PARD3B: variants seen among roughly 807,000 people sequenced by gnomAD.
The protein encoded by PARD3B is par-3 family cell polarity regulator beta.
PARD3B carries 103 observed loss-of-function variants against 130.2 expected under a neutral mutation model. The ratio of observed to expected loss-of-function variants is 0.79; its 90% CI spans 0.67 to 0.93. The LOEUF is 0.93. Among genes scored for constraint, PARD3B ranks in the 40% least tolerant of loss-of-function variants. The pLI is 0.00. For missense variants in PARD3B, 1,609 were observed against 1,499.2 expected, an observed-to-expected ratio of 1.07 and a Z score of -1.21; for synonymous variants, 583 against 553.2, an observed-to-expected ratio of 1.05 and a Z score of -0.76.
In PARD3B at chr2:204,610,148, C is replaced by G. The variant is rs1259896443; in HGVS notation, c.120+64029C>G. ...GTTTAAGGAGGTTTGTCCCACCTCC[C>G]TTCCCATCGTGGCTGGAAATTCAGT... On this transcript the variant is annotated intron_variant, in intron 1 of 22. Transcript: ENST00000406610. The surrounding 1 kb of genome is among the most constrained non-coding windows in gnomAD (Gnocchi z 4.1). 6.6e-6 allele frequency among the ~76,000 whole-genome samples: 1 copy of G among 152,084 alleles called. No homozygotes were observed. Among genetic ancestry groups the G allele is most frequent in the East Asian group, 1.9e-4 (1 of 5,176 alleles).
intron 13 of PARD3B, among the ~76,000 whole-genome samples, chr2:205,179,914 T>G (rs2035694392): frequency 6.6e-6 from 1 of 152,104 alleles, no homozygotes; most frequent in African/African-American, 2.4e-5. Flanking sequence ...ATCATTTGGT[T>G]TGGAATTTCA....
intron 22 of PARD3B, among the ~76,000 whole-genome samples, chr2:205,603,829 G>A (rs1188252065): frequency 3.3e-5 from 5 of 152,080 alleles, no homozygotes; most frequent in Admixed American, 2.6e-4. Flanking sequence ...TTTAATTGGG[G>A]CATTTAGCCC....
intron 15 of PARD3B, among the ~76,000 whole-genome samples, chr2:205,240,602 G>A (rs1437924218): frequency 1.3e-5 from 2 of 152,134 alleles, no homozygotes; most frequent in Non-Finnish European, 2.9e-5. Flanking sequence ...AAGAATAACT[G>A]TAGCTGATGG....
At chr2:204,941,298 C>T (rs1007571285) in intron 2 of PARD3B, among the ~76,000 whole-genome samples, 16 of 152,220 alleles carry the variant, frequency 1.1e-4, no homozygotes, top group Non-Finnish European at 1.3e-4. Context: ...CGCTGGAGCC[C>T]GGAAGGCGGA....
intron 1 of PARD3B, among the ~76,000 whole-genome samples, chr2:204,567,358 A>G (rs1010053122): frequency 6.6e-6 from 1 of 152,064 alleles, no homozygotes; most frequent in African/African-American, 2.4e-5. Context: ...ATACCCATTA[A>G]ATAATAACTC....
Position 204,601,076 on chromosome 2 carries a change from A to G in PARD3B, c.120+54957A>G, listed in dbSNP as rs2033491812. On this transcript the variant is annotated intron_variant, in intron 1 of 22. Coordinates refer to ENST00000406610, the MANE Select transcript of PARD3B (RefSeq NM_001302769.2). Reference sequence around the variant, plus strand: ...ATACGGACCTTAAGACCTGTATTTTAAAATAATGGAAGTAAAATATCTGAT... The same window carrying G: ...ATACGGACCTTAAGACCTGTATTTTGAAATAATGGAAGTAAAATATCTGAT... 4.6e-5 allele frequency among the ~76,000 whole-genome samples: 7 copies of G among 152,078 alleles called. No homozygotes were observed. In the South Asian group the frequency reaches 1.4e-3, roughly 31 times the overall value.
chr2:204,755,064 C>A (rs112770586), intron 2 of PARD3B, among the ~76,000 whole-genome samples: 3 of 151,888 alleles, frequency 2.0e-5, no homozygotes, highest in Non-Finnish European at 4.4e-5. Flanking sequence ...TTGCCTTGCA[C>A]GCAAAAAATG....
At chr2:205,206,228 T>A (rs960965003) in intron 15 of PARD3B, among the ~76,000 whole-genome samples, 3 of 150,226 alleles carry the variant, frequency 2.0e-5, no homozygotes, top group Non-Finnish European at 4.4e-5. Flanking sequence ...TTTTTTTTTT[T>A]ATTATACTTT....
At chr2:205,445,131 T>A (rs1326845903) in intron 20 of PARD3B, among the ~76,000 whole-genome samples, 1 of 152,148 alleles carries the variant, frequency 6.6e-6, no homozygotes, top group Non-Finnish European at 1.5e-5. Flanking sequence ...GACCTTCTCA[T>A]ATGATTACTG....
At chr2:204,872,378 G>A (rs1457251840) in intron 2 of PARD3B, among the ~76,000 whole-genome samples, 3 of 151,992 alleles carry the variant, frequency 2.0e-5, no homozygotes, top group African/African-American at 7.2e-5. Flanking sequence ...AAAAGGTTTT[G>A]GATAAAATGT....
chr2:205,155,490 T>G (rs1433533167), intron 10 of PARD3B, among the ~76,000 whole-genome samples: 1 of 152,182 alleles, frequency 6.6e-6, no homozygotes, highest in Non-Finnish European at 1.5e-5. Flanking sequence ...TTGAATTTGT[T>G]TAGAATAAAC....
chr2:205,125,688 C>T lies in PARD3B; in HGVS notation c.1385C>T (p.Ala462Val). ...MLRSTKQGET[A>V]SLVIARQEGH... ...AGGAGCACCAAGCAGGGGGAGACAG[C>T]ATCGCTGGTCATTGCCCGCCAAGAA... The change falls in exon 10 of 23, where the codon GCA (alanine) becomes GTA (valine). Residue 462 changes from alanine to valine, a missense_variant. Transcript: ENST00000406610. The surrounding 1 kb of genome is among the most constrained non-coding windows in gnomAD (Gnocchi z 4.0). The T allele has an allele frequency of 6.2e-7, 1 of 1,614,138 alleles. No individual in the cohort carries two copies. Among genetic ancestry groups the T allele is most frequent in the Non-Finnish European group, 8.5e-7 (1 of 1,180,022 alleles).
At chr2:205,538,782 G>GT (rs1285853375) in intron 21 of PARD3B, among the ~76,000 whole-genome samples, 1 of 152,028 alleles carries the variant, frequency 6.6e-6, no homozygotes, top group African/African-American at 2.4e-5. Context: ...AAGTGTTTTT[G>GT]TTTTTTTATT....
intron 2 of PARD3B, among the ~76,000 whole-genome samples, chr2:204,873,882 C>T (rs1219600765): frequency 6.6e-6 from 1 of 152,172 alleles, no homozygotes; most frequent in Non-Finnish European, 1.5e-5. Flanking sequence ...GTGGCTCACA[C>T]CTGTAATCCC....
chr2:205,231,223 C>T (rs940906376), intron 15 of PARD3B, among the ~76,000 whole-genome samples: 3 of 151,998 alleles, frequency 2.0e-5, no homozygotes, highest in East Asian at 3.9e-4. Flanking sequence ...CTCTCTTACT[C>T]CTCATTACGT....
Position 205,179,249 on chromosome 2 carries a change from A to G in PARD3B, c.1924+2672A>G, listed in dbSNP as rs116830132. On this transcript the variant is annotated intron_variant, in intron 13 of 22. Coordinates refer to ENST00000406610, the MANE Select transcript of PARD3B (RefSeq NM_001302769.2). ...TTTAAGCTGTTATTAAAAAGATTCA[A>G]AAAGTTAAATTAAAATTTATAAAGT... 2.3e-3 allele frequency among the ~76,000 whole-genome samples: 345 copies of G among 152,374 alleles called. 1 individual carries two copies. Among genetic ancestry groups the G allele is most frequent in the African/African-American group, 8.0e-3 (331 of 41,604 alleles).
chr2:205,047,864 G>T, intron 4 of PARD3B, 174 bp downstream of exon 4: 2 of 490,116 alleles, frequency 4.1e-6, no homozygotes, highest in South Asian at 7.3e-5. Flanking sequence ...TATAGTTATA[G>T]CGATAGCTAT....
At chr2:205,190,527 C>T (rs865822623) in intron 14 of PARD3B, among the ~76,000 whole-genome samples, 3 of 152,266 alleles carry the variant, frequency 2.0e-5, no homozygotes, top group Admixed American at 6.5e-5. Context: ...TTGATTTTTG[C>T]GGATTCGGGA....
intron 22 of PARD3B, among the ~76,000 whole-genome samples, chr2:205,583,129 G>T (rs971646709): frequency 3.3e-5 from 5 of 152,196 alleles, no homozygotes; most frequent in Admixed American, 1.3e-4. Context: ...TGCTCTCCGT[G>T]GATTCTTTTG....
Sources: allele counts gnomAD v4.1 joint callset (sites outside exome capture counted in the v4.1 genomes callset), GRCh38; gene constraint gnomAD v4.1.1; non-coding constraint Gnocchi (gnomAD v3.1); transcripts MANE v1.5; gene names NCBI Gene and HGNC (gene_info 2026-07-23, HGNC 2026-07-21).